The following ANAPC10 variants were observed in gnomAD, a reference collection of about 807,000 sequenced individuals.
The protein encoded by ANAPC10 is anaphase promoting complex subunit 10, also known as anaphase-promoting complex subunit 10.
ANAPC10 carries 12 observed loss-of-function variants against 22.0 expected under a neutral mutation model. The observed-to-expected ratio is 0.55, with a 90% confidence interval of 0.35 to 0.88. ANAPC10 has a LOEUF of 0.88. Among genes scored for constraint, ANAPC10 ranks in the 40% least tolerant of loss-of-function variants. The pLI is 0.01. For synonymous variants in ANAPC10, 65 were observed against 69.5 expected, an observed-to-expected ratio of 0.94 and a Z score of 0.32; for missense variants, 188 against 220.9, an observed-to-expected ratio of 0.85 and a Z score of 0.94.
chr4:145,016,862 A>C (rs1033075076), intron 4 of ANAPC10, among the ~76,000 whole-genome samples: 23 of 152,164 alleles, frequency 1.5e-4, no homozygotes, highest in Admixed American at 9.2e-4. Flanking sequence ...CAAAAACAAG[A>C]AATGGGGAAA....
At chr4:145,040,106 T>C (rs543441083) in intron 4 of ANAPC10, among the ~76,000 whole-genome samples, 1 of 141,352 alleles carries the variant, frequency 7.1e-6, no homozygotes, top group African/African-American at 2.6e-5. Flanking sequence ...AACTATTGTA[T>C]GCTTTTGTTT....
chr4:145,034,591 C>T (rs1369407248), intron 4 of ANAPC10, among the ~76,000 whole-genome samples: 11 of 138,752 alleles, frequency 7.9e-5, no homozygotes, highest in Admixed American at 5.1e-4. Flanking sequence ...ATCCCACATA[C>T]ATATCCTATA....
At chr4:145,041,103 C>T (rs920881507) in intron 4 of ANAPC10, among the ~76,000 whole-genome samples, 1 of 152,104 alleles carries the variant, frequency 6.6e-6, no homozygotes, top group Admixed American at 6.5e-5. Flanking sequence ...CTAGTGGTCC[C>T]ATAATTCATA....
intron 4 of ANAPC10, among the ~76,000 whole-genome samples, chr4:145,046,598 G>T (rs1389362671): frequency 6.6e-6 from 1 of 151,986 alleles, no homozygotes; most frequent in Non-Finnish European, 1.5e-5. Flanking sequence ...CTAAATTCTT[G>T]CTTTACATAT....
chr4:144,995,430 A>C lies in ANAPC10; in HGVS notation c.501T>G (p.Ile167Met), dbSNP rs745553036. 1.9e-6 allele frequency: 3 copies of C among 1,613,724 alleles called. No homozygotes were observed. The Admixed American group carries it at 5.0e-5, about 27-fold the overall frequency. Residue 167 changes from isoleucine (I) to methionine (M), a missense_variant, in exon 5 of 5, where the codon ATT becomes ATG. Coordinates refer to ENST00000507656, the MANE Select transcript of ANAPC10 (RefSeq NM_001256706.2). ...TAGTTGTACATCTAGGAAATTTACC[A>C]ATGGAGCTCTCTTCTACTGGTGTGT... is the stretch of plus-strand genomic sequence containing the variant. ...KIYTPVEESS[I>M]GKFPRCTTID...
intron 4 of ANAPC10, among the ~76,000 whole-genome samples, chr4:145,042,598 C>T (rs924449586): frequency 2.0e-5 from 3 of 152,000 alleles, no homozygotes; most frequent in African/African-American, 7.2e-5. Flanking sequence ...GTGCCAATAA[C>T]ATTAGTGCAA....
At chr4:145,054,638 TGTGCGCGCGCGCGCGCGTGC>T (rs1741720581) in intron 4 of ANAPC10, among the ~76,000 whole-genome samples, 1 of 65,462 alleles carries the variant, frequency 1.5e-5, no homozygotes, top group Non-Finnish European at 3.6e-5. Context: ...TGTGTGTGTG[TGTGCGCGCGCGCGCGCGTGC>T]GTGCAGCGCA....
chr4:145,047,800 A>G (rs973501496), intron 4 of ANAPC10, among the ~76,000 whole-genome samples: 17 of 152,184 alleles, frequency 1.1e-4, no homozygotes, highest in African/African-American at 3.9e-4. Context: ...GCTGACAGTA[A>G]CTTTGACTCA....
intron 1 of ANAPC10, chr4:145,097,475 G>A: frequency 7.8e-7 from 1 of 1,286,954 alleles, no homozygotes; most frequent in Non-Finnish European, 1.0e-6. Flanking sequence ...ATTCAAAATA[G>A]GTGCAATAGT....
At chr4:145,043,021 ATAAAG>A (rs751810413) in intron 4 of ANAPC10, among the ~76,000 whole-genome samples, 34 of 152,150 alleles carry the variant, frequency 2.2e-4, no homozygotes, top group African/African-American at 5.3e-4. Context: ...GAAAAAAGAA[ATAAAG>A]TAATGTTCCA....
intron 4 of ANAPC10, among the ~76,000 whole-genome samples, chr4:145,024,712 T>A (rs770455721): frequency 3.9e-5 from 6 of 152,176 alleles, no homozygotes; most frequent in Non-Finnish European, 8.8e-5. Context: ...TAGAACAGAT[T>A]TAGCATAATT....
At chr4:145,062,684 A>C (rs1478240914) in intron 4 of ANAPC10, among the ~76,000 whole-genome samples, 1 of 152,204 alleles carries the variant, frequency 6.6e-6, no homozygotes, top group Non-Finnish European at 1.5e-5. Context: ...AGTAACAAAC[A>C]ACCTGAGTTC....
intron 2 of ANAPC10, among the ~76,000 whole-genome samples, chr4:145,091,666 A>T (rs1261589948): frequency 1.3e-5 from 2 of 152,164 alleles, no homozygotes; most frequent in African/African-American, 4.8e-5. Context: ...ATACATGTGC[A>T]TGTATCTTTG....
intron 4 of ANAPC10, among the ~76,000 whole-genome samples, chr4:145,052,352 CATT>C (rs918857663): frequency 6.6e-6 from 1 of 152,180 alleles, no homozygotes; most frequent in African/African-American, 2.4e-5. Context: ...ATCAAAACAT[CATT>C]ATAAGCACCA....
intron 4 of ANAPC10, among the ~76,000 whole-genome samples, chr4:145,054,318 G>A (rs1489010615): frequency 7.3e-5 from 11 of 150,810 alleles, no homozygotes; most frequent in Non-Finnish European, 8.9e-5. Flanking sequence ...TTGGGAGGCC[G>A]AGGAGGGCAG....
chr4:145,081,108 T>C (rs1257624931), intron 3 of ANAPC10, among the ~76,000 whole-genome samples: 1 of 151,860 alleles, frequency 6.6e-6, no homozygotes, highest in African/African-American at 2.4e-5. Flanking sequence ...CTGTCTCTTA[T>C]TTAAAATTTT....
intron 2 of ANAPC10, among the ~76,000 whole-genome samples, chr4:145,082,395 C>T (rs915313296): frequency 1.2e-4 from 18 of 152,148 alleles, no homozygotes; most frequent in African/African-American, 4.1e-4. Context: ...GTGATCCAGC[C>T]GCCTCAGCTT....
At chr4:145,080,885 CA>C (rs1171814328) in intron 3 of ANAPC10, among the ~76,000 whole-genome samples, 3 of 99,660 alleles carry the variant, frequency 3.0e-5, no homozygotes, top group African/African-American at 1.2e-4. Context: ...CCAGCCCGGG[CA>C]ACAAGAGCAA....
At chr4:145,062,177 A>G (rs1236438617) in intron 4 of ANAPC10, among the ~76,000 whole-genome samples, 2 of 152,202 alleles carry the variant, frequency 1.3e-5, no homozygotes, top group East Asian at 3.8e-4. Context: ...TTATTAATCT[A>G]TTCAAGCACA....
Sources: gnomAD v4.1 joint callset for allele counts (sites outside exome capture counted in the v4.1 genomes callset) on GRCh38, gnomAD v4.1.1 for gene constraint, MANE v1.5 for transcripts, NCBI Gene and HGNC (gene_info 2026-07-23, HGNC 2026-07-21) for gene names.